ACER3: variants seen among roughly 807,000 people sequenced by gnomAD.
The protein encoded by ACER3 is alkaline ceramidase 3.
In ACER3, 16 loss-of-function variants were observed where a neutral mutation model predicts 48.9. That is an observed-to-expected ratio of 0.33 (90% CI 0.22 to 0.50). The LOEUF is 0.50. Ranked by LOEUF, ACER3 falls within the 20% of genes least tolerant of loss-of-function variation. The pLI is 0.98. For synonymous variants in ACER3, 109 were observed against 107.8 expected (o/e 1.01, Z -0.07); for missense variants, 227 against 326.0 (o/e 0.70, Z 2.34).
intron 2 of ACER3, among the ~76,000 whole-genome samples, chr11:76,945,218 T>C (rs1279083211): frequency 6.6e-6 from 1 of 152,170 alleles, no homozygotes; most frequent in Non-Finnish European, 1.5e-5. Context: ...GCATTATTTT[T>C]GGTTGGGATC....
intron 1 of ACER3, among the ~76,000 whole-genome samples, chr11:76,885,880 C>T (rs1057218697): frequency 2.0e-5 from 3 of 151,990 alleles, no homozygotes; most frequent in East Asian, 1.9e-4. Context: ...GATGCCAAAG[C>T]GTAAAATACA....
At chr11:77,007,551 T>C (rs1555021294) in intron 7 of ACER3, among the ~76,000 whole-genome samples, 1 of 152,242 alleles carries the variant, frequency 6.6e-6, no homozygotes, top group Non-Finnish European at 1.5e-5. Flanking sequence ...ACCATCTGGT[T>C]TCCACTGACA....
chr11:76,959,280 G>T, intron 3 of ACER3: 1 of 1,268,382 alleles, frequency 7.9e-7, no homozygotes, highest in Non-Finnish European at 1.0e-6. Context: ...ATTGAGAGCA[G>T]CATTAGAGAG....
Position 76,958,996 on chromosome 11 carries a change from TG to T in ACER3, c.234del (p.Trp78CysfsTer5). The T allele has an allele frequency of 6.2e-7, 1 of 1,614,088 alleles. No homozygotes were observed. Reference sequence around the variant, plus strand: ...AATTTCAGTGGTAGGAATGGGATCCTGGTGCTTCCACATGACTCTGAAATAT... The same window carrying T: ...AATTTCAGTGGTAGGAATGGGATCCTGTGCTTCCACATGACTCTGAAATAT... ...LALTVVGMGS[W>X]CFHMTLKYEM... On this transcript the variant is annotated frameshift_variant, in exon 3 of 11. Transcript: ENST00000532485. LOFTEE classifies it high-confidence loss of function.
intron 7 of ACER3, among the ~76,000 whole-genome samples, chr11:77,010,298 T>C (rs1010989911): frequency 4.6e-5 from 7 of 151,818 alleles, no homozygotes; most frequent in Non-Finnish European, 2.9e-5. Flanking sequence ...CAGTGAGCTA[T>C]GATCGCACCA....
chr11:77,015,097 C>T lies in ACER3; in HGVS notation c.579C>T (p.Asn193=), dbSNP rs781807215. The change falls in exon 8 of 11, where the codon AAC becomes AAT. Residue 193 remains asparagine (N), a synonymous_variant. Transcript: ENST00000532485. ...LLGFLFWNID[N]IFCESLRNFR... ...GATTTTTATTTTGGAATATAGATAA[C>T]ATATTTTGTGAGTCACTGAGGTAAG... The T allele has an allele frequency of 6.4e-7, 1 of 1,551,138 alleles. No individual in the cohort carries two copies.
At chr11:76,870,202 G>A (rs1467060021) in intron 1 of ACER3, among the ~76,000 whole-genome samples, 1 of 151,184 alleles carries the variant, frequency 6.6e-6, no homozygotes, top group Non-Finnish European at 1.5e-5. Context: ...TCACTATGTT[G>A]CCCAGGCTGG....
At chr11:76,980,965 A>G (rs944129701) in intron 4 of ACER3, among the ~76,000 whole-genome samples, 1 of 152,256 alleles carries the variant, frequency 6.6e-6, no homozygotes, top group Non-Finnish European at 1.5e-5. Flanking sequence ...AGTAAGAAAT[A>G]GTCCTTTTAC....
At chr11:76,906,147 A>G (rs1946227606) in intron 1 of ACER3, among the ~76,000 whole-genome samples, 1 of 152,222 alleles carries the variant, frequency 6.6e-6, no homozygotes, top group African/African-American at 2.4e-5. Context: ...AGCAAGGATA[A>G]TATTCCCTCC....
At chr11:76,992,142 G>A (rs998272070) in intron 6 of ACER3, among the ~76,000 whole-genome samples, 2 of 147,348 alleles carry the variant, frequency 1.4e-5, no homozygotes, top group African/African-American at 5.4e-5. Context: ...AGCCCAGGAG[G>A]ATCCCTTGAG....
At chr11:76,933,121 A>G (rs1341464992) in intron 2 of ACER3, among the ~76,000 whole-genome samples, 1 of 148,988 alleles carries the variant, frequency 6.7e-6, no homozygotes, top group Admixed American at 6.7e-5. Context: ...AAGAATTACA[A>G]AACACATCAA....
intron 1 of ACER3, among the ~76,000 whole-genome samples, chr11:76,919,068 G>A (rs541505679): frequency 3.3e-5 from 5 of 152,262 alleles, no homozygotes; most frequent in South Asian, 4.1e-4. Flanking sequence ...TGGGCAGGAC[G>A]GCTTTTCACA....
intron 9 of ACER3, among the ~76,000 whole-genome samples, chr11:77,019,210 C>T (rs944378818): frequency 1.3e-5 from 2 of 152,186 alleles, no homozygotes; most frequent in African/African-American, 4.8e-5. Context: ...CCTGTAATCC[C>T]AGCACTTTGG....
chr11:76,874,163 G>T (rs997753483), intron 1 of ACER3, among the ~76,000 whole-genome samples: 1 of 152,152 alleles, frequency 6.6e-6, no homozygotes, highest in African/African-American at 2.4e-5. Flanking sequence ...GGAACAGCTG[G>T]CCATTGGACT....
At chr11:76,875,237 C>A (rs1439524109) in intron 1 of ACER3, among the ~76,000 whole-genome samples, 1 of 150,116 alleles carries the variant, frequency 6.7e-6, no homozygotes, top group Non-Finnish European at 1.5e-5. Flanking sequence ...CCTCAGCCTC[C>A]CTAGTAGCTG....
At chr11:76,964,781 A>C (rs1239553632) in intron 3 of ACER3, among the ~76,000 whole-genome samples, 2 of 151,430 alleles carry the variant, frequency 1.3e-5, no homozygotes, top group African/African-American at 2.5e-5. Flanking sequence ...ACTAACAAAC[A>C]GAAAGGACAT....
At chr11:76,885,283 G>GT (rs1004353239) in intron 1 of ACER3, among the ~76,000 whole-genome samples, 45 of 150,202 alleles carry the variant, frequency 3.0e-4, no homozygotes, top group Admixed American at 1.3e-3. Flanking sequence ...GAAGGAAGAA[G>GT]TTTTTTTTTT....
chr11:76,868,030 A>G (rs970652688), intron 1 of ACER3: 1 of 1,092,618 alleles, frequency 9.2e-7, no homozygotes, highest in African/African-American at 1.7e-5. Flanking sequence ...AGGGGCTTTA[A>G]TCAGCTATCT....
intron 2 of ACER3, among the ~76,000 whole-genome samples, chr11:76,933,064 G>T (rs1163126563): frequency 6.6e-6 from 1 of 151,562 alleles, no homozygotes; most frequent in Non-Finnish European, 1.5e-5. Context: ...ATGCGTTAGT[G>T]AAAGGAAAGA....
Sources: gnomAD v4.1 joint callset for allele counts (sites outside exome capture counted in the v4.1 genomes callset) on GRCh38, gnomAD v4.1.1 for gene constraint, MANE v1.5 for transcripts, NCBI Gene and HGNC (gene_info 2026-07-23, HGNC 2026-07-21) for gene names.